Variants in GRAMD1A observed in about 807,000 individuals in gnomAD.
The protein encoded by GRAMD1A is GRAM domain containing 1A.
Under a neutral mutation model 92.0 loss-of-function variants are expected in GRAMD1A, and 50 were observed. The ratio of observed to expected loss-of-function variants is 0.54; its 90% CI spans 0.43 to 0.69. The LOEUF (loss-of-function observed/expected upper bound fraction) is 0.69, where lower values mean the gene tolerates loss of function less well. Among genes scored for constraint, GRAMD1A ranks in the 30% least tolerant of loss-of-function variants. The probability of loss-of-function intolerance (pLI) is 0.00; values close to 1 mark genes in which losing one functional copy is unlikely to be tolerated. For synonymous variants in GRAMD1A, 405 were observed against 403.6 expected (o/e 1.00, Z -0.04); for missense variants, 819 against 978.9 (o/e 0.84, Z 2.18).
At chr19:34,997,936 C>T (rs535973189), upstream of GRAMD1A, among the ~76,000 whole-genome samples, 25 of 152,016 alleles carry the variant, frequency 1.6e-4, 1 homozygote, top group South Asian at 5.0e-3. Flanking sequence ...GGCATGGTGG[C>T]GCATGCCTGT....
At chr19:35,017,173 A>G (rs1037157118) in intron 11 of GRAMD1A, among the ~76,000 whole-genome samples, 19 of 68,996 alleles carry the variant, frequency 2.8e-4, no homozygotes, top group African/African-American at 7.1e-4. Context: ...AGACTCCATT[A>G]AAAAAAAAAA....
At chr19:35,005,256 C>T (rs954553035) in intron 1 of GRAMD1A, among the ~76,000 whole-genome samples, 2 of 100,672 alleles carry the variant, frequency 2.0e-5, no homozygotes, top group Middle Eastern at 0.013. Flanking sequence ...CTGAAGGTCC[C>T]GGGAGGCAGC....
chr19:35,009,163 C>T lies in GRAMD1A; in HGVS notation c.53C>T (p.Ser18Leu), dbSNP rs780284522. ...CGGAGCACGCCAAGCAGCTCCCCAT[C>T]GCTCCGGAAACGGCTGCAGCTCCTG... is the stretch of plus-strand genomic sequence containing the variant. ...SGRSTPSSSP[S>L]LRKRLQLLPP... The change falls in exon 2 of 20, where the codon TCG becomes TTG. Residue 18 changes from serine to leucine, a missense_variant. Physicochemically the swap from Ser to Leu is moderately radical, Grantham distance 145. Coordinates refer to ENST00000317991, the MANE Select transcript of GRAMD1A (RefSeq NM_020895.5). 15 of 1,613,874 alleles carry T rather than the reference C, an allele frequency of 9.3e-6. No individual in the cohort carries two copies. Among genetic ancestry groups the T allele is most frequent in the Non-Finnish European group, 9.3e-6 (11 of 1,179,874 alleles).
In GRAMD1A at chr19:35,016,081, T is replaced by C. The variant is rs557686258; in HGVS notation, c.1213+114T>C. 2.8e-5 allele frequency: 31 copies of C among 1,109,188 alleles called. No homozygotes were observed. In the East Asian group the frequency reaches 6.6e-4, roughly 24 times the overall value. 68.7% of individuals were successfully genotyped at this position (1,109,188 alleles called of 1,614,324 possible). A position where few individuals can be genotyped will look rare whatever the true frequency, so the allele number is the denominator to read the frequency against. ...TAGCCAGTGGGGCAAGGCGAGGTGG[T>C]GAAAAGCAATGTCTGTCAGACCAGA... On this transcript the variant is annotated intron_variant, in intron 11 of 19. Transcript: ENST00000317991.
Position 35,021,249 on chromosome 19 carries a change from C to T in GRAMD1A, c.1476-253C>T, listed in dbSNP as rs547037283. On this transcript the variant is annotated intron_variant, in intron 13 of 19. Coordinates refer to ENST00000317991, the MANE Select transcript of GRAMD1A (RefSeq NM_020895.5). This position sits in a 1 kb window ranked among gnomAD's most constrained non-coding sequence, Gnocchi z 5.3. ...GTCTGTGAGTAGACAGGGCTCAGGC[C>T]GCCGGGAGCGTTGCCCAGGTAGTGG... 1.6e-4 allele frequency among the ~76,000 whole-genome samples: 24 copies of T among 152,240 alleles called. No individual in the cohort carries two copies. The highest frequency in any genetic ancestry group is 2.6e-4 in the Admixed American group (4 of 15,294).
At chr19:35,001,468 G>T (rs1015016225) in intron 1 of GRAMD1A, among the ~76,000 whole-genome samples, 3 of 152,078 alleles carry the variant, frequency 2.0e-5, no homozygotes, top group African/African-American at 7.3e-5. Flanking sequence ...TCTATCTGTA[G>T]CTCCAAGCGT....
chr19:35,022,729 G>A (rs2016154893), intron 16 of GRAMD1A, among the ~76,000 whole-genome samples, 171 bp from the exon 17 acceptor site: 1 of 102,886 alleles, frequency 9.7e-6, no homozygotes, highest in African/African-American at 4.0e-5. Context: ...TGCGAGGTGA[G>A]GGTCAGGCCA....
At chr19:34,997,533 C>T (rs148148893), upstream of GRAMD1A, among the ~76,000 whole-genome samples, 14 of 152,136 alleles carry the variant, frequency 9.2e-5, no homozygotes, top group African/African-American at 3.1e-4. Flanking sequence ...AGAACTCTAC[C>T]GACCCTGAAT....
At position 35,013,708 on chromosome 19, in the gene GRAMD1A, AAG is replaced by A. The variant is rs746800511; in HGVS notation, c.870+20_870+21del. The A allele has an allele frequency of 1.3e-5, 21 of 1,596,940 alleles. No homozygotes were observed. Among genetic ancestry groups the A allele is most frequent in the Admixed American group, 3.4e-5 (2 of 58,900 alleles). On this transcript the variant is annotated intron_variant, in intron 9 of 19. Transcript: ENST00000317991. This position sits in a 1 kb window ranked among gnomAD's most constrained non-coding sequence, Gnocchi z 4.9. ...GACCATGGGGTGAGCGGTGGGTTGGAAGAGGGGTGGGATACTGATAGGAAGAG... is the reference window on the plus strand; with the variant it reads ...GACCATGGGGTGAGCGGTGGGTTGGAAGGGGTGGGATACTGATAGGAAGAG...
Position 35,026,348 on chromosome 19 carries a change from A to C in GRAMD1A, c.*207A>C. 1.7e-6 allele frequency: 1 copy of C among 580,982 alleles called. No homozygotes were observed. The highest frequency in any genetic ancestry group is 3.1e-6 in the Non-Finnish European group (1 of 324,706). 36.0% of individuals were successfully genotyped at this position (580,982 alleles called of 1,614,324 possible). On this transcript the variant is annotated 3_prime_UTR_variant, in exon 20 of 20. Coordinates refer to ENST00000317991, the MANE Select transcript of GRAMD1A (RefSeq NM_020895.5). ...CCGGCCTCTGGCAGGCCCCCCACTA[A>C]CTTATTTTGCCCGGCTGAGGTTGTG...
intron 7 of GRAMD1A, 147 bp downstream of exon 7, chr19:35,011,701 C>A: frequency 1.6e-6 from 1 of 630,384 alleles, no homozygotes; most frequent in Non-Finnish European, 2.8e-6. Context: ...TCCCTGGGCC[C>A]CACCTGACCC....
chr19:35,008,674 A>G (rs1222397090), intron 1 of GRAMD1A, among the ~76,000 whole-genome samples: 1 of 152,016 alleles, frequency 6.6e-6, no homozygotes, highest in African/African-American at 2.4e-5. Context: ...AAAGCTAGCC[A>G]TGTGTGGTGG....
rs2290646 is a variant in GRAMD1A, at chr19:35,019,198, G to C, written c.1221G>C (p.Thr407=). ...TGCTCCTCCCTCCTCTAGACGTGAC[G>C]CTGAGCCCCTGGAGTGGGGACAGCA... ...FLQQCKFTDV[T]LSPWSGDSKC... Residue 407 remains threonine, a synonymous_variant, in exon 12 of 20, where the codon ACG becomes ACC. Transcript: ENST00000317991. The C allele has an allele frequency of 0.36, 575,974 of 1,603,510 alleles. 106,781 individuals are homozygous for C. The highest frequency in any genetic ancestry group is 0.53 in the African/African-American group (39,569 of 74,680).
intron 7 of GRAMD1A, among the ~76,000 whole-genome samples, chr19:35,011,816 G>A (rs911847249): frequency 5.3e-5 from 8 of 152,224 alleles, no homozygotes; most frequent in Admixed American, 6.5e-5. Flanking sequence ...AGGTTCCACT[G>A]GCAGCGGGGG....
At chr19:35,009,838 A>T (rs12609678) in intron 3 of GRAMD1A, 50 bp from the exon 4 acceptor site, 63,143 of 1,082,338 alleles carry the variant, frequency 0.058, 2,445 homozygotes, top group East Asian at 0.17. Context: ...GTGGGGCAGC[A>T]TTGGGAGTGT....
At position 34,995,007 on chromosome 19, in the gene GRAMD1A, C is replaced by T. The variant is rs1004889558; in HGVS notation, c.-30+182C>T. On this transcript the variant is annotated intron_variant, in intron 1 of 19. Coordinates refer to the GRAMD1A transcript ENST00000599564. ...GACAGAGAGACTGCGGTCTGGCCTC[C>T]CCAGACCCAGGCAGCCTCTAACATC... 8.5e-5 allele frequency among the ~76,000 whole-genome samples: 13 copies of T among 152,226 alleles called. 1 individual carries two copies. Among genetic ancestry groups the T allele is most frequent in the African/African-American group, 2.9e-4 (12 of 41,452 alleles).
At chr19:35,008,375 ATGTGCCATGCTC>A (rs1379553768) in intron 1 of GRAMD1A, among the ~76,000 whole-genome samples, 1 of 152,018 alleles carries the variant, frequency 6.6e-6, no homozygotes, top group African/African-American at 2.4e-5. Context: ...AGAGCTCGCT[ATGTGCCATGCTC>A]TGTTAGAATT....
intron 11 of GRAMD1A, among the ~76,000 whole-genome samples, chr19:35,016,667 G>A (rs960831636): frequency 6.6e-6 from 1 of 151,670 alleles, no homozygotes; most frequent in South Asian, 2.1e-4. Flanking sequence ...TTGGGAGGCC[G>A]AGGCAGGTGG....
At position 35,010,075 on chromosome 19, in the gene GRAMD1A, C is replaced by G. The variant is rs374409679; in HGVS notation, c.326-17C>G. ...TCGTGACTTGGGTGTCCTCCTGTCT[C>G]TCCCCGCCCCTCTCAGATTACTCCT... is the stretch of plus-strand genomic sequence containing the variant. On this transcript the variant is annotated splice_polypyrimidine_tract_variant and intron_variant, in intron 4 of 19. Coordinates refer to ENST00000317991, the MANE Select transcript of GRAMD1A (RefSeq NM_020895.5). 4 of 1,577,188 alleles carry G rather than the reference C, an allele frequency of 2.5e-6. No individual in the cohort carries two copies. Among genetic ancestry groups the G allele is most frequent in the Non-Finnish European group, 3.5e-6 (4 of 1,146,464 alleles).
Sources: allele counts gnomAD v4.1 joint callset (sites outside exome capture counted in the v4.1 genomes callset), GRCh38; gene constraint gnomAD v4.1.1; non-coding constraint Gnocchi (gnomAD v3.1); transcripts MANE v1.5; gene names NCBI Gene and HGNC (gene_info 2026-07-23, HGNC 2026-07-21).